The following NTM variants were observed in gnomAD, a reference collection of about 807,000 sequenced individuals.
NTM encodes the protein neurotrimin.
Under a neutral mutation model 42.1 loss-of-function variants are expected in NTM, and 13 were observed. The ratio of observed to expected loss-of-function variants is 0.31; its 90% CI spans 0.20 to 0.49. The LOEUF is 0.49. NTM is among the 20% of genes least tolerant of loss of function. NTM has a pLI of 0.99. For synonymous variants in NTM, 187 were observed against 179.2 expected (o/e 1.04, Z -0.35); for missense variants, 373 against 452.8 (o/e 0.82, Z 1.60).
chr11:131,926,880 C>T (rs1427518619), intron 2 of NTM, among the ~76,000 whole-genome samples: 1 of 152,224 alleles, frequency 6.6e-6, no homozygotes, highest in African/African-American at 2.4e-5. Flanking sequence ...GTCATTTTCA[C>T]TTATCACATC....
chr11:132,326,799 C>T lies in NTM; in HGVS notation c.935-3354C>T, dbSNP rs368042387. On this transcript the variant is annotated intron_variant, in intron 7 of 8. Transcript: ENST00000683400. ...TACTGCACTGATGTGTTCATTCCCC[C>T]GCCTCCTTTGCTAGTCTTCGATACA... 1.7e-4 allele frequency among the ~76,000 whole-genome samples: 26 copies of T among 152,288 alleles called. No individual in the cohort carries two copies. In the South Asian group the frequency reaches 4.8e-3, roughly 28 times the overall value.
intron 1 of NTM, among the ~76,000 whole-genome samples, chr11:131,782,899 T>C (rs1029663831): frequency 6.6e-6 from 1 of 152,166 alleles, no homozygotes; most frequent in Non-Finnish European, 1.5e-5. Context: ...ACGGAATGAA[T>C]ACTTTCCCTC....
chr11:131,828,660 C>A (rs764679648), intron 1 of NTM, among the ~76,000 whole-genome samples: 1 of 152,152 alleles, frequency 6.6e-6, no homozygotes, highest in Admixed American at 6.5e-5. Context: ...ACTGTTACTA[C>A]TATCTGATTG....
intron 2 of NTM, among the ~76,000 whole-genome samples, chr11:132,066,899 C>T (rs74809485): frequency 0.015 from 2,224 of 152,242 alleles, 53 homozygotes; most frequent in African/African-American, 0.051. Context: ...AAACACACAC[C>T]ATATAAGCTC....
At chr11:131,626,595 A>C (rs2063127951) in intron 1 of NTM, among the ~76,000 whole-genome samples, 1 of 152,246 alleles carries the variant, frequency 6.6e-6, no homozygotes, top group Admixed American at 6.5e-5. Context: ...AGCAACAACA[A>C]ACATTGCAAA....
rs753967639 is a variant in NTM, at chr11:132,330,151, A to C, written c.935-2A>C. The C allele has an allele frequency of 6.4e-7, 1 of 1,551,604 alleles. No individual in the cohort carries two copies. Among genetic ancestry groups the C allele is most frequent in the Admixed American group, 2.0e-5 (1 of 50,990 alleles). ...CAGTGGCTTGTTTTTAATTTCTTTT[A>C]GAAGTGAAAACTACAGCCCTGACCC... On this transcript the variant is annotated splice_acceptor_variant, in intron 7 of 8. Transcript: ENST00000683400. LOFTEE classifies it high-confidence loss of function.
At chr11:131,873,326 A>C (rs886743717) in intron 1 of NTM, among the ~76,000 whole-genome samples, 2 of 150,240 alleles carry the variant, frequency 1.3e-5, no homozygotes, top group Non-Finnish European at 2.9e-5. Context: ...ACACATGGAC[A>C]CAGGGTAGGG....
At chr11:132,004,314 A>G (rs1274947043) in intron 2 of NTM, among the ~76,000 whole-genome samples, 2 of 152,182 alleles carry the variant, frequency 1.3e-5, no homozygotes, top group Non-Finnish European at 2.9e-5. Context: ...TCCTGCCTTT[A>G]ATCTCATTAC....
intron 4 of NTM, among the ~76,000 whole-genome samples, chr11:132,296,240 T>C (rs1020042447): frequency 6.6e-6 from 1 of 152,112 alleles, no homozygotes; most frequent in Non-Finnish European, 1.5e-5. Flanking sequence ...AGGACGGCCA[T>C]GCAGATGTGG....
At chr11:132,015,295 C>G (rs897744718) in intron 2 of NTM, among the ~76,000 whole-genome samples, 3 of 151,910 alleles carry the variant, frequency 2.0e-5, no homozygotes, top group Non-Finnish European at 4.4e-5. Context: ...GTTACTATAG[C>G]CTTTTAATAT....
chr11:131,700,705 T>A (rs2075986948), intron 1 of NTM, among the ~76,000 whole-genome samples: 1 of 152,242 alleles, frequency 6.6e-6, no homozygotes, highest in African/African-American at 2.4e-5. Context: ...AGAACTGATG[T>A]AACCCTTATT....
At chr11:132,262,439 A>G (rs958020718) in intron 4 of NTM, among the ~76,000 whole-genome samples, 1 of 152,158 alleles carries the variant, frequency 6.6e-6, no homozygotes, top group Non-Finnish European at 1.5e-5. Flanking sequence ...TACTTCTCAC[A>G]GTTTTGCAGG....
intron 4 of NTM, among the ~76,000 whole-genome samples, chr11:132,307,057 C>T (rs1165624147): frequency 4.6e-5 from 7 of 152,182 alleles, no homozygotes; most frequent in East Asian, 1.9e-4. Flanking sequence ...GCATCGAGTG[C>T]GGAGTCCCAT....
intron 4 of NTM, among the ~76,000 whole-genome samples, chr11:132,307,153 T>C (rs2095116865): frequency 6.6e-6 from 1 of 152,176 alleles, no homozygotes; most frequent in South Asian, 2.1e-4. Context: ...CAATTAATTG[T>C]CTGAGTCAAA....
chr11:132,261,109 G>C (rs1436613324), intron 4 of NTM, among the ~76,000 whole-genome samples: 2 of 152,188 alleles, frequency 1.3e-5, no homozygotes, highest in African/African-American at 2.4e-5. Context: ...ATTCCATTTA[G>C]GGGTGGCTGG....
intron 1 of NTM, among the ~76,000 whole-genome samples, chr11:131,621,821 C>G (rs1236869429): frequency 2.9e-5 from 1 of 34,106 alleles, no homozygotes; most frequent in African/African-American, 1.7e-4. Context: ...GACCTCAACT[C>G]AAAGAAAAAA....
intron 1 of NTM, among the ~76,000 whole-genome samples, chr11:131,588,262 C>G (rs2059055837): frequency 6.6e-6 from 1 of 152,256 alleles, no homozygotes; most frequent in African/African-American, 2.4e-5. Context: ...AGGGCTTCCT[C>G]ACAACATGGC....
At chr11:131,997,813 A>G (rs1165995241) in intron 2 of NTM, among the ~76,000 whole-genome samples, 2 of 152,110 alleles carry the variant, frequency 1.3e-5, no homozygotes, top group South Asian at 2.1e-4. Context: ...CCTGTTAGCT[A>G]TGAGGCTGCC....
intron 1 of NTM, among the ~76,000 whole-genome samples, chr11:131,611,171 C>T (rs2061434525): frequency 6.6e-6 from 1 of 152,000 alleles, no homozygotes; most frequent in Middle Eastern, 3.4e-3. Flanking sequence ...AGCCTTTGCA[C>T]CTGAGGAGGG....
Sources: gnomAD v4.1 joint callset for allele counts (sites outside exome capture counted in the v4.1 genomes callset) on GRCh38, gnomAD v4.1.1 for gene constraint, MANE v1.5 for transcripts, NCBI Gene and HGNC (gene_info 2026-07-23, HGNC 2026-07-21) for gene names.